The following YES1 variants were observed in gnomAD, a reference collection of about 807,000 sequenced individuals.
YES1 encodes the protein tyrosine-protein kinase Yes.
In YES1, 39 loss-of-function variants were observed where a neutral mutation model predicts 70.4. The ratio of observed to expected loss-of-function variants is 0.55; its 90% CI spans 0.43 to 0.72. YES1 has a LOEUF of 0.72. YES1 is among the 30% of genes least tolerant of loss of function. The pLI is 0.00. For missense variants in YES1, 495 were observed against 644.8 expected, an observed-to-expected ratio of 0.77 and a Z score of 2.52; for synonymous variants, 198 against 218.6, an observed-to-expected ratio of 0.91 and a Z score of 0.83.
rs754677266 is a variant in YES1, at chr18:724,439, T to C, written c.1617A>G (p.Pro539=). 2.5e-6 allele frequency: 4 copies of C among 1,613,790 alleles called. No individual in the cohort carries two copies. In the Admixed American group the frequency reaches 5.0e-5, roughly 20 times the overall value. Reference sequence around the variant, plus strand: ...GCTACTTGAATTATAAATTTTCTCCTGGCTGGTACTGTGGCTCTGTAGCAG... The same window carrying C: ...GCTACTTGAATTATAAATTTTCTCCCGGCTGGTACTGTGGCTCTGTAGCAG... ...YFTATEPQYQ[P]GENL is the part of the protein sequence containing the mutation. Residue 539 remains proline (P), a synonymous_variant, in exon 12 of 12, where the codon CCA becomes CCG. Transcript: ENST00000314574.
At chr18:797,448 A>G (rs1234921624) in intron 1 of YES1, among the ~76,000 whole-genome samples, 3 of 152,048 alleles carry the variant, frequency 2.0e-5, no homozygotes, top group Non-Finnish European at 4.4e-5. Context: ...TTATGGAAAG[A>G]GGAAAAACAA....
intron 1 of YES1, among the ~76,000 whole-genome samples, chr18:790,319 T>A (rs1906180582): frequency 6.6e-6 from 1 of 152,170 alleles, no homozygotes; most frequent in African/African-American, 2.4e-5. Flanking sequence ...GAAGTTGCAA[T>A]GAGCCGAGAT....
intron 1 of YES1, among the ~76,000 whole-genome samples, chr18:779,497 A>G (rs1905549929): frequency 1.3e-5 from 2 of 152,200 alleles, no homozygotes; most frequent in African/African-American, 4.8e-5. Flanking sequence ...TAAAGCCTCA[A>G]GATTTTTAAA....
intron 11 of YES1, among the ~76,000 whole-genome samples, chr18:731,966 C>CA (rs1165333694): frequency 0.38 from 30,489 of 79,786 alleles, 6,490 homozygotes; most frequent in Admixed American, 0.43. Context: ...GACTCCATTT[C>CA]AAAAAAAAAA....
intron 1 of YES1, among the ~76,000 whole-genome samples, chr18:802,632 CTCCCTT>C (rs531312227): frequency 6.6e-6 from 1 of 152,068 alleles, no homozygotes; most frequent in East Asian, 1.9e-4. Context: ...GACAAGAAAT[CTCCCTT>C]TCCATCATTG....
intron 1 of YES1, among the ~76,000 whole-genome samples, chr18:774,641 C>T (rs376671777): frequency 6.6e-6 from 1 of 152,304 alleles, no homozygotes; most frequent in East Asian, 1.9e-4. Context: ...CAACTTCTCT[C>T]CACCTCCCAC....
chr18:790,179 G>A (rs541704037), intron 1 of YES1, among the ~76,000 whole-genome samples: 3 of 152,240 alleles, frequency 2.0e-5, no homozygotes, highest in Admixed American at 2.0e-4. Context: ...AGTTTGAGAT[G>A]AGCCTGGCCA....
chr18:781,188 G>T (rs571504339), intron 1 of YES1, among the ~76,000 whole-genome samples: 27 of 151,058 alleles, frequency 1.8e-4, no homozygotes, highest in African/African-American at 6.6e-4. Flanking sequence ...AGAATTGCTT[G>T]AACCTGGGAG....
At chr18:756,490 C>A (rs2080407627) in intron 2 of YES1, 67 bp downstream of exon 2, 7 of 1,570,194 alleles carry the variant, frequency 4.5e-6, no homozygotes, top group Non-Finnish European at 6.1e-6. Flanking sequence ...GGCAGACAAG[C>A]CTTAAGTATA....
intron 10 of YES1, among the ~76,000 whole-genome samples, chr18:734,591 T>C (rs1219634862): frequency 3.3e-5 from 5 of 151,212 alleles, no homozygotes; most frequent in Non-Finnish European, 7.4e-5. Flanking sequence ...CAGGAGCAAC[T>C]ACAACATACA....
chr18:786,413 T>C (rs1598935010), intron 1 of YES1, among the ~76,000 whole-genome samples: 1 of 151,396 alleles, frequency 6.6e-6, no homozygotes, highest in Admixed American at 6.6e-5. Context: ...AAACCTAAAA[T>C]AGAATCTTTG....
intron 1 of YES1, among the ~76,000 whole-genome samples, chr18:794,498 T>C (rs1279317802): frequency 6.6e-6 from 1 of 152,216 alleles, no homozygotes; most frequent in Non-Finnish European, 1.5e-5. Flanking sequence ...TGGAAAAATA[T>C]ATGAACTACT....
intron 1 of YES1, among the ~76,000 whole-genome samples, chr18:794,619 T>C (rs1906443398): frequency 6.6e-6 from 1 of 152,176 alleles, no homozygotes. Flanking sequence ...AGGCAGGATG[T>C]CCAAAATTCA....
Position 728,948 on chromosome 18 carries a change from T to C in YES1, c.1423+3886A>G, listed in dbSNP as rs191723180. 3.9e-5 allele frequency among the ~76,000 whole-genome samples: 6 copies of C among 152,334 alleles called. No homozygotes were observed. The East Asian group carries it at 1.2e-3, about 29-fold the overall frequency. On this transcript the variant is annotated intron_variant, in intron 11 of 11. Coordinates refer to ENST00000314574, the MANE Select transcript of YES1 (RefSeq NM_005433.4). ...ATTTCACTGAGTTTAATTTTCTTGTTTGAGGTTCACTTAATCTGTGGGCTA... is the reference window on the plus strand; with the variant it reads ...ATTTCACTGAGTTTAATTTTCTTGTCTGAGGTTCACTTAATCTGTGGGCTA...
In YES1 at chr18:722,212, T is replaced by C. The variant is rs961020102; in HGVS notation, c.*2212A>G. 8 of 152,636 alleles carry C rather than the reference T, an allele frequency of 5.2e-5. No individual in the cohort carries two copies. The highest frequency in any genetic ancestry group is 8.8e-5 in the Non-Finnish European group (6 of 68,034). The allele number at this position is 152,636 out of a possible 1,614,324, so 9.5% of individuals were successfully genotyped here. Reference sequence around the variant, plus strand: ...CACATAAAGCCCTTAAAAAATCTCATGTCACAAGTTGTTGATAAGAGGAAA... The same window carrying C: ...CACATAAAGCCCTTAAAAAATCTCACGTCACAAGTTGTTGATAAGAGGAAA... On this transcript the variant is annotated 3_prime_UTR_variant, in exon 12 of 12. Coordinates refer to ENST00000314574, the MANE Select transcript of YES1 (RefSeq NM_005433.4).
chr18:796,419 A>C (rs971592005), intron 1 of YES1, among the ~76,000 whole-genome samples: 6 of 152,216 alleles, frequency 3.9e-5, no homozygotes, highest in African/African-American at 1.4e-4. Flanking sequence ...AATACACATT[A>C]GTTGCTGTTA....
At chr18:779,463 T>C (rs1193488230) in intron 1 of YES1, among the ~76,000 whole-genome samples, 1 of 151,692 alleles carries the variant, frequency 6.6e-6, no homozygotes, top group Admixed American at 6.6e-5. Flanking sequence ...TTATAGATTA[T>C]AGTAACAAAA....
At chr18:789,863 C>G (rs1434831036) in intron 1 of YES1, among the ~76,000 whole-genome samples, 1 of 150,622 alleles carries the variant, frequency 6.6e-6, no homozygotes, top group Non-Finnish European at 1.5e-5. Flanking sequence ...AGTTTGAGAC[C>G]AGTCTGATCA....
rs1392201222 is a variant in YES1, at chr18:781,388, C to A, written c.-8-24553G>T. ...CTGTTTTCATAAACGCTTGGCACAA[C>A]CTCCCTCTTTCCTTACGCTTGGCTT... On this transcript the variant is annotated intron_variant, in intron 1 of 11. Transcript: ENST00000314574. Among the ~76,000 whole-genome samples the A allele has an allele frequency of 2.0e-5, 3 of 152,038 alleles. No homozygotes were observed. In the East Asian group the frequency reaches 5.8e-4, roughly 29 times the overall value.
Sources: gnomAD v4.1 joint callset for allele counts (sites outside exome capture counted in the v4.1 genomes callset) on GRCh38, gnomAD v4.1.1 for gene constraint, MANE v1.5 for transcripts, NCBI Gene and HGNC (gene_info 2026-07-23, HGNC 2026-07-21) for gene names.